Variants in HNRNPA2B1 observed in about 807,000 individuals in gnomAD.
The protein encoded by HNRNPA2B1 is heterogeneous nuclear ribonucleoproteins A2/B1.
In HNRNPA2B1, 3 loss-of-function variants were observed where a neutral mutation model predicts 46.3. That is an observed-to-expected ratio of 0.06 (90% confidence interval 0.03 to 0.17). HNRNPA2B1 has a LOEUF of 0.17. Among genes scored for constraint, HNRNPA2B1 ranks in the 10% least tolerant of loss-of-function variants. The pLI is 1.00. For missense variants in HNRNPA2B1, 221 were observed against 418.9 expected (o/e 0.53, Z 4.12); for synonymous variants, 225 against 133.8 (o/e 1.68, Z -4.70).
At chr7:26,196,531 TAAA>T (rs747708446) in intron 5 of HNRNPA2B1, 23 bp downstream of exon 5, 7 of 1,612,164 alleles carry the variant, frequency 4.3e-6, no homozygotes, top group Admixed American at 3.3e-5. Context: ...TGAACAAAAA[TAAA>T]GAAGAAACAG....
chr7:26,200,165 A>C, intron 1 of HNRNPA2B1: 1 of 229,446 alleles, frequency 4.4e-6, no homozygotes, highest in Non-Finnish European at 8.8e-6. Flanking sequence ...TTCCCGGGAG[A>C]GAGGGGGAGG....
intron 6 of HNRNPA2B1, among the ~76,000 whole-genome samples, chr7:26,196,153 G>C (rs776719369): frequency 6.6e-6 from 1 of 152,200 alleles, no homozygotes; most frequent in African/African-American, 2.4e-5. Context: ...AATGACACTT[G>C]ATGGGGGTCA....
chr7:26,196,681 C>CT lies in HNRNPA2B1; in HGVS notation c.476-24dup, dbSNP rs766934150. ...GCACTGGAATGAAAAATTCAGACTC[C>CT]TTTTAAATTAAATCAACAATATTAA... On this transcript the variant is annotated intron_variant, in intron 4 of 10. Coordinates refer to ENST00000618183, the MANE Select transcript of HNRNPA2B1 (RefSeq NM_002137.4). 50 of 1,595,552 alleles carry CT rather than the reference C, an allele frequency of 3.1e-5. No individual in the cohort carries two copies. In the African/African-American group the frequency reaches 5.7e-4, roughly 18 times the overall value.
rs191937523 is a variant in HNRNPA2B1 at position 26,196,952 on chromosome 7, A to G, written c.330T>C (p.Asp110=). The G allele has an allele frequency of 3.3e-5, 53 of 1,613,880 alleles. No homozygotes were observed. The Admixed American group carries it at 6.3e-4, about 19-fold the overall frequency. ...KKLFVGGIKE[D]TEEHHLRDYF... ...AATCTCTAAGGTGATGTTCCTCAGT[A>G]TCTTCTTTAATTCCGCCAACAAACA... is the stretch of plus-strand genomic sequence containing the variant. The change falls in exon 4 of 11, where the codon GAT becomes GAC. Residue 110 remains aspartate, a synonymous_variant. Transcript: ENST00000618183.
intron 4 of HNRNPA2B1, 33 bp from the exon 5 acceptor site, chr7:26,196,691 A>C (rs995189748): frequency 6.3e-7 from 1 of 1,586,576 alleles, no homozygotes; most frequent in Non-Finnish European, 8.6e-7. Context: ...CTTTTAAATT[A>C]AATCAACAAT....
rs886038701 is a variant in HNRNPA2B1, at chr7:26,192,540, A to C, written c.1002T>G (p.Gly334=). The part of the protein sequence containing the change: ...YGPGGSGGSG[G]YGGRSRY ...CTCAGTATCGGCTCCTCCCACCATA[A>C]CCCCCACTTCCTCCACTGCCTCCTG... is the stretch of plus-strand genomic sequence containing the variant. The change falls in exon 10 of 11, where the codon GGT becomes GGG. Residue 334 remains glycine (G), a synonymous_variant. Transcript: ENST00000618183. The C allele has an allele frequency of 6.2e-7, 1 of 1,613,696 alleles. No homozygotes were observed. Among genetic ancestry groups the C allele is most frequent in the Non-Finnish European group, 8.5e-7 (1 of 1,179,856 alleles).
chr7:26,192,558 G>T lies in HNRNPA2B1; in HGVS notation c.984C>A (p.Gly328=), dbSNP rs768943063. The T allele has an allele frequency of 6.4e-5, 103 of 1,613,742 alleles. No homozygotes were observed. Among genetic ancestry groups the T allele is most frequent in the Non-Finnish European group, 8.4e-5 (99 of 1,179,788 alleles). The change falls in exon 10 of 11, where the codon GGC becomes GGA. Residue 328 remains glycine (G), a synonymous_variant. Transcript: ENST00000618183. Reference sequence around the variant, plus strand: ...CACCATAACCCCCACTTCCTCCACTGCCTCCTGGACCATAGTTTCCTATAA... The same window carrying T: ...CACCATAACCCCCACTTCCTCCACTTCCTCCTGGACCATAGTTTCCTATAA... The part of the protein sequence containing the change: ...PYGGGNYGPG[G]SGGSGGYGGR...
intron 1 of HNRNPA2B1, 73 bp downstream of exon 1, chr7:26,200,499 G>GGCCGACTTCCACTGAGGC: frequency 6.7e-7 from 1 of 1,496,546 alleles, no homozygotes; most frequent in South Asian, 1.1e-5. Context: ...GGAGGCGGCT[G>GGCCGACTTCCACTGAGGC]GCCGACTTCC....
rs1782891367 is a variant in HNRNPA2B1 at position 26,191,277 on chromosome 7, T to TA, written c.*1082dup. The TA allele has an allele frequency of 6.6e-6, 1 of 152,150 alleles. No individual in the cohort carries two copies. The highest frequency in any genetic ancestry group is 6.5e-5 in the Admixed American group (1 of 15,282). 9.4% of individuals were successfully genotyped at this position (152,150 alleles called of 1,614,324 possible). On this transcript the variant is annotated 3_prime_UTR_variant, in exon 11 of 11. Transcript: ENST00000618183. Reference sequence around the variant, plus strand: ...ATTGGAAAACAGGGTTTATAAAAATTATTCTCTTGAGTTTATAAATTGTTA... The same window carrying TA: ...ATTGGAAAACAGGGTTTATAAAAATTAATTCTCTTGAGTTTATAAATTGTTA...
chr7:26,198,070 G>A (rs1035099609), intron 1 of HNRNPA2B1: 10 of 400,360 alleles, frequency 2.5e-5, no homozygotes, highest in African/African-American at 4.2e-5. Flanking sequence ...AATGTAGACC[G>A]TGATTATCAA....
chr7:26,196,900 T>A lies in HNRNPA2B1; in HGVS notation c.382A>T (p.Thr128Ser). ...TGCCTATCAGTAATTATCTCAATGGTATCAATTTTTCCATATTCCTCAAAG... is the reference window on the plus strand; with the variant it reads ...TGCCTATCAGTAATTATCTCAATGGAATCAATTTTTCCATATTCCTCAAAG... ...DYFEEYGKIDTIEIITDRQSG... is the reference protein window; with the variant it reads ...DYFEEYGKIDSIEIITDRQSG... The change falls in exon 4 of 11, where the codon ACC becomes TCC. Residue 128 changes from threonine to serine, a missense_variant. Physicochemically the swap from Thr to Ser is moderately conservative, Grantham distance 58. Around this residue, in one of 2 missense-constraint regions of HNRNPA2B1, gnomAD observed 78 missense variants for 218.5 expected, o/e 0.36. Transcript: ENST00000618183. 1 of 1,613,778 alleles carries A rather than the reference T, an allele frequency of 6.2e-7. No individual in the cohort carries two copies. The highest frequency in any genetic ancestry group is 8.5e-7 in the Non-Finnish European group (1 of 1,179,722).
chr7:26,195,092 CAAAAAAAAA>C (rs11356411), intron 7 of HNRNPA2B1, among the ~76,000 whole-genome samples: 1 of 51,938 alleles, frequency 1.9e-5, no homozygotes, highest in Non-Finnish European at 4.7e-5. Context: ...GGCTCCGTCT[CAAAAAAAAA>C]AAAAAAAAAG....
rs376850826 is a variant in HNRNPA2B1, at chr7:26,193,564, G to A, written c.841+11C>T. On this transcript the variant is annotated intron_variant, in intron 8 of 10. Transcript: ENST00000618183. ...AAATTCCCACATAAAGGTTGCAGGT[G>A]AATTTATTACCTCCTCCATAGTTGT... 6.3e-7 allele frequency: 1 copy of A among 1,574,948 alleles called. No homozygotes were observed. Among genetic ancestry groups the A allele is most frequent in the Non-Finnish European group, 8.6e-7 (1 of 1,167,592 alleles).
intron 1 of HNRNPA2B1, 142 bp from the exon 2 acceptor site, chr7:26,197,874 G>T: frequency 7.0e-7 from 1 of 1,420,710 alleles, no homozygotes; most frequent in Non-Finnish European, 9.5e-7. Flanking sequence ...TTTCTGGGGG[G>T]AAAAAAAAAA....
At chr7:26,192,463 A>G (rs1330555116) in intron 10 of HNRNPA2B1, 32 bp downstream of exon 10, 32 of 1,409,630 alleles carry the variant, frequency 2.3e-5, no homozygotes, top group East Asian at 1.6e-4. Context: ...CTCCCAAGAT[A>G]ATAATAATTG....
intron 1 of HNRNPA2B1, chr7:26,199,732 C>A (rs1784138860): frequency 6.6e-6 from 1 of 151,970 alleles, no homozygotes; most frequent in Non-Finnish European, 1.5e-5. Flanking sequence ...TGACTGCAGA[C>A]CCAGATAAAA....
Position 26,191,334 on chromosome 7 carries a change from A to C in HNRNPA2B1, c.*1026T>G, listed in dbSNP as rs1288500324. 6.6e-6 allele frequency: 1 copy of C among 152,194 alleles called. No homozygotes were observed. The highest frequency in any genetic ancestry group is 1.9e-4 in the East Asian group (1 of 5,206). The allele number at this position is 152,194 out of a possible 1,614,324, so 9.4% of individuals were successfully genotyped here. ...ATTTATAGCTATGTTAAACTACGTAAGAACCACTATACTGAAAGACCATTT... is the reference window on the plus strand; with the variant it reads ...ATTTATAGCTATGTTAAACTACGTACGAACCACTATACTGAAAGACCATTT... On this transcript the variant is annotated 3_prime_UTR_variant, in exon 11 of 11. Coordinates refer to ENST00000618183, the MANE Select transcript of HNRNPA2B1 (RefSeq NM_002137.4).
intron 7 of HNRNPA2B1, among the ~76,000 whole-genome samples, chr7:26,195,092 C>CAAAAAAAAAAAAAAAAAAAAAAAAAA (rs11356411): frequency 1.2e-4 from 6 of 51,946 alleles, no homozygotes; most frequent in Admixed American, 2.0e-4. Flanking sequence ...GGCTCCGTCT[C>CAAAAAAAAAAAAAAAAAAAAAAAAAA]AAAAAAAAAA....
chr7:26,197,142 T>C (rs1783734122), intron 3 of HNRNPA2B1, 125 bp from the exon 4 acceptor site: 5 of 1,110,464 alleles, frequency 4.5e-6, no homozygotes, highest in African/African-American at 1.6e-5. Context: ...AAAATAGCTT[T>C]TAGGGACCTA....
Sources: gnomAD v4.1 joint callset for allele counts (sites outside exome capture counted in the v4.1 genomes callset) on GRCh38, gnomAD v4.1.1 for gene constraint, gnomAD v4.1.1 regional missense constraint, MANE v1.5 for transcripts, NCBI Gene and HGNC (gene_info 2026-07-23, HGNC 2026-07-21) for gene names.